FREM2: variants seen among roughly 807,000 people sequenced by gnomAD.
FREM2 encodes the protein FRAS1-related extracellular matrix protein 2.
FREM2 carries 119 observed loss-of-function variants against 219.9 expected under a neutral mutation model. The ratio of observed to expected loss-of-function variants is 0.54; its 90% CI spans 0.47 to 0.63. FREM2 has a LOEUF of 0.63. Among genes scored for constraint, FREM2 ranks in the 30% least tolerant of loss-of-function variants. FREM2 has a pLI of 0.00. For synonymous variants in FREM2, 1,562 were observed against 1,522.8 expected, an observed-to-expected ratio of 1.03 and a Z score of -0.60; for missense variants, 4,030 against 3,993.6, an observed-to-expected ratio of 1.01 and a Z score of -0.25.
intron 6 of FREM2, among the ~76,000 whole-genome samples, chr13:38,792,827 A>G (rs1321758266): frequency 6.6e-6 from 1 of 152,190 alleles, no homozygotes; most frequent in Admixed American, 6.5e-5. Context: ...GAGGCACTAT[A>G]GCAAGGTTTT....
intron 6 of FREM2, among the ~76,000 whole-genome samples, chr13:38,820,383 A>G (rs982941047): frequency 6.6e-6 from 1 of 152,152 alleles, no homozygotes; most frequent in Non-Finnish European, 1.5e-5. Flanking sequence ...TCTTACAGAC[A>G]TCAAAGAATA....
intron 6 of FREM2, among the ~76,000 whole-genome samples, chr13:38,785,997 T>C (rs1222093371): frequency 6.6e-6 from 1 of 152,228 alleles, no homozygotes; most frequent in Admixed American, 6.5e-5. Flanking sequence ...ATATAAAATA[T>C]AGTGGTCAGA....
intron 2 of FREM2, among the ~76,000 whole-genome samples, chr13:38,708,607 T>C (rs1870633742): frequency 6.6e-6 from 1 of 152,064 alleles, no homozygotes; most frequent in African/African-American, 2.4e-5. Context: ...TGAGCTGAGA[T>C]TGCGCCACTG....
At chr13:38,851,915 G>A in intron 11 of FREM2, 47 bp downstream of exon 11, 1 of 1,509,386 alleles carries the variant, frequency 6.6e-7, no homozygotes. Flanking sequence ...TGCCAACTCT[G>A]TGTTTCAGTG....
intron 6 of FREM2, among the ~76,000 whole-genome samples, chr13:38,820,874 A>G (rs776589233): frequency 1.3e-5 from 2 of 152,190 alleles, no homozygotes; most frequent in African/African-American, 4.8e-5. Flanking sequence ...TAGAAAATGC[A>G]CTATGCACCT....
chr13:38,749,412 T>C (rs1389420725), intron 2 of FREM2, among the ~76,000 whole-genome samples: 1 of 152,198 alleles, frequency 6.6e-6, no homozygotes, highest in Non-Finnish European at 1.5e-5. Flanking sequence ...TTTCATCATA[T>C]ATATTCACAA....
intron 6 of FREM2, among the ~76,000 whole-genome samples, chr13:38,815,389 TA>T (rs1014231364): frequency 6.6e-6 from 1 of 152,104 alleles, no homozygotes; most frequent in Non-Finnish European, 1.5e-5. Context: ...AAATGGAAGC[TA>T]AAAAAATTCA....
At chr13:38,712,850 T>G (rs1168468896) in intron 2 of FREM2, among the ~76,000 whole-genome samples, 8 of 152,230 alleles carry the variant, frequency 5.3e-5, no homozygotes, top group African/African-American at 1.9e-4. Context: ...TATTACTTAC[T>G]GACTTACTCC....
chr13:38,699,858 A>G (rs1870272240), intron 2 of FREM2, among the ~76,000 whole-genome samples: 1 of 152,100 alleles, frequency 6.6e-6, no homozygotes, highest in Non-Finnish European at 1.5e-5. Flanking sequence ...TGAGAAGTGC[A>G]ATACTGTTTA....
intron 2 of FREM2, among the ~76,000 whole-genome samples, chr13:38,709,986 T>TACACAC (rs59108347): frequency 5.7e-4 from 74 of 130,412 alleles, no homozygotes; most frequent in African/African-American, 1.3e-3. Flanking sequence ...TAACTAAAAA[T>TACACAC]ACACACACAC....
chr13:38,687,791 C>A lies in FREM2; in HGVS notation c.447C>A (p.Asp149Glu). Residue 149 changes from aspartate (D) to glutamate (E), a missense_variant, in exon 1 of 24, where the codon GAC becomes GAA. By Grantham distance (45) the Asp-to-Glu change is conservative (BLOSUM62 2). This residue lies in a region of FREM2 where 3,102 missense variants were observed against 2,950.7 expected (regional missense o/e 1.05). Transcript: ENST00000280481. ...SHLGARSPSR[D>E]RVRLQLRYDA... ...TGGGCGCGCGCAGCCCGTCTCGGGA[C>A]CGCGTCCGGCTGCAGCTGCGCTATG... 1 of 1,537,926 alleles carries A rather than the reference C, an allele frequency of 6.5e-7. No homozygotes were observed. Among genetic ancestry groups the A allele is most frequent in the African/African-American group, 1.4e-5 (1 of 73,538 alleles).
intron 14 of FREM2, 85 bp from the exon 15 acceptor site, chr13:38,861,346 A>G: frequency 7.1e-7 from 1 of 1,406,420 alleles, no homozygotes; most frequent in East Asian, 2.3e-5. Context: ...ACACAGAAAA[A>G]TAATAGCTCC....
In FREM2 at chr13:38,691,925, C is replaced by T. The variant is rs114925418; in HGVS notation, c.4581C>T (p.Ser1527=). Reference sequence around the variant, plus strand: ...TTCGGACATTCCGTATCTCCATTAGCGATGTGGACAATAAAAAGCCAGTGG... The same window carrying T: ...TTCGGACATTCCGTATCTCCATTAGTGATGTGGACAATAAAAAGCCAGTGG... ...PVFRTFRISI[S]DVDNKKPVVT... The change falls in exon 1 of 24, where the codon AGC becomes AGT. Residue 1527 remains serine (S), a synonymous_variant. Transcript: ENST00000280481. The T allele has an allele frequency of 7.7e-5, 124 of 1,614,144 alleles. No individual in the cohort carries two copies. The African/African-American group carries it at 1.1e-3, about 15-fold the overall frequency.
At chr13:38,740,881 C>T (rs1314957640) in intron 2 of FREM2, among the ~76,000 whole-genome samples, 1 of 152,126 alleles carries the variant, frequency 6.6e-6, no homozygotes, top group African/African-American at 2.4e-5. Context: ...ACTCTTGACT[C>T]CTTTTCTTCA....
intron 6 of FREM2, among the ~76,000 whole-genome samples, chr13:38,834,410 T>G (rs1445086065): frequency 6.6e-6 from 1 of 151,882 alleles, no homozygotes. Flanking sequence ...CTTTATCCAG[T>G]CTAACGTTGA....
At chr13:38,813,717 G>A (rs1031999222) in intron 6 of FREM2, among the ~76,000 whole-genome samples, 1 of 150,026 alleles carries the variant, frequency 6.7e-6, no homozygotes, top group Non-Finnish European at 1.5e-5. Context: ...TAACCTTCTC[G>A]TACTTGAATG....
Position 38,784,676 on chromosome 13 carries a change from A to G in FREM2, c.5887A>G (p.Ile1963Val), listed in dbSNP as rs1423336621. ...DKDEREKLCR[I>V]VIIDDSLYEE... The stretch of plus-strand genomic sequence containing the variant: ...AGATGAACGGGAGAAACTGTGTCGG[A>G]TAGTCATAATTGATGACTCTTTGTA... The change falls in exon 6 of 24, where the codon ATA becomes GTA. Residue 1963 changes from isoleucine (I) to valine (V), a missense_variant. Ile to Val is a conservative substitution (Grantham distance 29, BLOSUM62 3). Coordinates refer to ENST00000280481, the MANE Select transcript of FREM2 (RefSeq NM_207361.6). 3.1e-6 allele frequency: 5 copies of G among 1,614,172 alleles called. No individual in the cohort carries two copies. The East Asian group carries it at 8.9e-5, about 29-fold the overall frequency.
At chr13:38,796,258 T>A (rs992581116) in intron 6 of FREM2, among the ~76,000 whole-genome samples, 10 of 152,162 alleles carry the variant, frequency 6.6e-5, no homozygotes, top group African/African-American at 2.4e-4. Context: ...AGAAACTGGA[T>A]GTTGCTGTGG....
chr13:38,813,474 C>G (rs1593423000), intron 6 of FREM2, among the ~76,000 whole-genome samples: 1 of 7,084 alleles, frequency 1.4e-4, no homozygotes, highest in Non-Finnish European at 3.0e-4. Flanking sequence ...TTCTCTCTCT[C>G]TCTCTCTCTC....
Sources: allele counts gnomAD v4.1 joint callset (sites outside exome capture counted in the v4.1 genomes callset), GRCh38; gene constraint gnomAD v4.1.1; regional missense constraint gnomAD v4.1.1; transcripts MANE v1.5; gene names NCBI Gene and HGNC (gene_info 2026-07-23, HGNC 2026-07-21).